Variants in GSE1 observed in about 807,000 individuals in gnomAD.
The protein encoded by GSE1 is Gse1 coiled-coil protein.
Under a neutral mutation model 112.6 loss-of-function variants are expected in GSE1, and 32 were observed. That is an observed-to-expected ratio of 0.28 (90% CI 0.21 to 0.38). The LOEUF is 0.38. Ranked by LOEUF, GSE1 falls within the 10% of genes least tolerant of loss-of-function variation. GSE1 has a pLI of 1.00. For synonymous variants in GSE1, 1,115 were observed against 735.6 expected (o/e 1.52, Z -8.35); for missense variants, 2,348 against 1,699.2 (o/e 1.38, Z -6.71).
chr16:85,263,993 C>G (rs1430884926), intron 1 of GSE1, among the ~76,000 whole-genome samples: 4 of 152,086 alleles, frequency 2.6e-5, no homozygotes, highest in Non-Finnish European at 5.9e-5. Flanking sequence ...AGCCTGGGGC[C>G]GGGGAGGGCT....
intron 1 of GSE1, among the ~76,000 whole-genome samples, chr16:85,576,157 C>G (rs1370254899): frequency 6.6e-6 from 1 of 152,126 alleles, no homozygotes; most frequent in Non-Finnish European, 1.5e-5. Flanking sequence ...GACATTTAAC[C>G]CTGGAGCTAA....
chr16:85,496,528 G>C (rs2051183624), intron 2 of GSE1, among the ~76,000 whole-genome samples: 1 of 152,232 alleles, frequency 6.6e-6, no homozygotes, highest in Non-Finnish European at 1.5e-5. Context: ...CTGCGGAGTG[G>C]CAGCCAGGCC....
intron 1 of GSE1, chr16:85,306,325 G>C (rs2045677741): frequency 6.5e-6 from 1 of 154,206 alleles, no homozygotes; most frequent in Non-Finnish European, 1.5e-5. Flanking sequence ...GACCTGGCGG[G>C]TCAGGTCTGC....
At chr16:85,484,476 G>C (rs60098295) in intron 2 of GSE1, among the ~76,000 whole-genome samples, 6,746 of 152,352 alleles carry the variant, frequency 0.044, 249 homozygotes, top group East Asian at 0.14. Context: ...ACAGGGCAGG[G>C]TGTACACAGC....
intron 2 of GSE1, among the ~76,000 whole-genome samples, chr16:85,511,528 CAAAAAA>C (rs71151298): frequency 8.7e-6 from 1 of 115,012 alleles, no homozygotes; most frequent in African/African-American, 3.3e-5. Flanking sequence ...AACTCCATCT[CAAAAAA>C]AAAAAAAAAA....
intron 2 of GSE1, among the ~76,000 whole-genome samples, chr16:85,415,916 CCATCGAAGGCCGAGCAATAACA>C (rs1410125971): frequency 6.6e-6 from 1 of 152,182 alleles, no homozygotes; most frequent in Non-Finnish European, 1.5e-5. Flanking sequence ...TGTGGCGGAC[CCATCGAAGGCCGAGCAATAACA>C]CACTGTTTCC....
intron 2 of GSE1, among the ~76,000 whole-genome samples, chr16:85,431,220 G>C (rs776619909): frequency 4.6e-5 from 7 of 152,216 alleles, no homozygotes; most frequent in Non-Finnish European, 7.3e-5. Flanking sequence ...AGGAGCCAGA[G>C]ACCCAAGGAG....
chr16:85,324,289 C>G (rs1436771541), intron 1 of GSE1, among the ~76,000 whole-genome samples: 1 of 152,198 alleles, frequency 6.6e-6, no homozygotes, highest in African/African-American at 2.4e-5. Context: ...GCAGGTGGAT[C>G]ACCTGGGGTC....
In GSE1 at chr16:85,624,711, T is replaced by C. The variant is rs542013602; in HGVS notation, c.8-9203T>C. Among the ~76,000 whole-genome samples the C allele has an allele frequency of 8.6e-5, 13 of 151,964 alleles. No individual in the cohort carries two copies. In the South Asian group the frequency reaches 2.7e-3, roughly 32 times the overall value. ...CCGTTCAGCCTCTGTAGGCTGGGAGTGAGCATCCCACTGTGTGGAATAAAC... is the reference window on the plus strand; with the variant it reads ...CCGTTCAGCCTCTGTAGGCTGGGAGCGAGCATCCCACTGTGTGGAATAAAC... On this transcript the variant is annotated intron_variant, in intron 1 of 15. Transcript: ENST00000253458.
At chr16:85,420,188 A>C (rs890466756) in intron 2 of GSE1, among the ~76,000 whole-genome samples, 2 of 151,354 alleles carry the variant, frequency 1.3e-5, no homozygotes, top group African/African-American at 4.9e-5. Flanking sequence ...GGAGTTCGAA[A>C]CCAGCCTGGG....
intron 2 of GSE1, among the ~76,000 whole-genome samples, chr16:85,637,567 C>T (rs914314269): frequency 2.6e-5 from 4 of 151,680 alleles, no homozygotes; most frequent in Admixed American, 6.6e-5. Context: ...GTGTATCGAG[C>T]GCCTGCTGTG....
intron 2 of GSE1, among the ~76,000 whole-genome samples, chr16:85,410,359 A>C (rs868260513): frequency 3.6e-5 from 1 of 27,566 alleles, no homozygotes; most frequent in Non-Finnish European, 6.4e-5. Context: ...TGTTACACTC[A>C]GGGCCCCCCG....
intron 1 of GSE1, among the ~76,000 whole-genome samples, chr16:85,181,573 A>C (rs975359491): frequency 1.3e-5 from 2 of 152,218 alleles, no homozygotes; most frequent in Non-Finnish European, 2.9e-5. Flanking sequence ...CCGGAGGGAG[A>C]GGGTCAGAGG....
chr16:85,528,332 G>C (rs1375344574), intron 2 of GSE1, among the ~76,000 whole-genome samples: 1 of 152,028 alleles, frequency 6.6e-6, no homozygotes, highest in Non-Finnish European at 1.5e-5. Flanking sequence ...TTGTTTGTTT[G>C]TTTGTTTTGA....
intron 1 of GSE1, among the ~76,000 whole-genome samples, chr16:85,253,035 G>A (rs942511504): frequency 3.5e-5 from 5 of 142,380 alleles, no homozygotes; most frequent in Non-Finnish European, 7.6e-5. Context: ...GCAGCCAGGC[G>A]GCTCCAGCTC....
At chr16:85,621,648 ACT>A (rs1367094309) in intron 1 of GSE1, among the ~76,000 whole-genome samples, 1 of 151,976 alleles carries the variant, frequency 6.6e-6, no homozygotes, top group Non-Finnish European at 1.5e-5. Flanking sequence ...CTGCGGAGTG[ACT>A]CTGAATCCAC....
chr16:85,356,040 A>G (rs960211997), intron 1 of GSE1, among the ~76,000 whole-genome samples: 7 of 152,150 alleles, frequency 4.6e-5, no homozygotes, highest in African/African-American at 1.7e-4. Flanking sequence ...ATAAAATAAA[A>G]AATAAAGATT....
At position 85,640,822 on chromosome 16, in the gene GSE1, G is replaced by T. The variant is rs2050381450; in HGVS notation, c.226+6690G>T. Among the ~76,000 whole-genome samples, 2 of 152,264 alleles carry T rather than the reference G, an allele frequency of 1.3e-5. 1 individual carries two copies. The highest frequency in any genetic ancestry group is 4.1e-4 in the South Asian group (2 of 4,836). ...GTCTGCGGCGGCGGCGGCTCTGCAG[G>T]CGTCTGGAGCCCGTCTGTCTCCCGC... On this transcript the variant is annotated intron_variant, in intron 2 of 15. Coordinates refer to ENST00000253458, the MANE Select transcript of GSE1 (RefSeq NM_014615.5).
At chr16:85,588,355 C>A (rs561569536) in intron 1 of GSE1, among the ~76,000 whole-genome samples, 2 of 152,220 alleles carry the variant, frequency 1.3e-5, no homozygotes, top group African/African-American at 2.4e-5. Context: ...CCCCCTTCCC[C>A]GCTGCGGGCC....
Sources: gnomAD v4.1 joint callset for allele counts (sites outside exome capture counted in the v4.1 genomes callset) on GRCh38, gnomAD v4.1.1 for gene constraint, MANE v1.5 for transcripts, NCBI Gene and HGNC (gene_info 2026-07-23, HGNC 2026-07-21) for gene names.